NPEPPS: variants seen among roughly 807,000 people sequenced by gnomAD.
The protein encoded by NPEPPS is puromycin-sensitive aminopeptidase.
A neutral mutation model predicts 115.5 loss-of-function variants in NPEPPS; 14 were observed. That is an observed-to-expected ratio of 0.12 (90% CI 0.08 to 0.19). The LOEUF is 0.19. Ranked by LOEUF, NPEPPS falls within the 10% of genes least tolerant of loss-of-function variation. The probability of loss-of-function intolerance (pLI) is 1.00; values close to 1 mark genes in which losing one functional copy is unlikely to be tolerated. For missense variants in NPEPPS, 523 were observed against 1,110.8 expected (o/e 0.47, Z 7.52); for synonymous variants, 285 against 390.6 (o/e 0.73, Z 3.19).
At chr17:47,599,348 A>G (rs117485749) in intron 13 of NPEPPS, among the ~76,000 whole-genome samples, 7,120 of 152,266 alleles carry the variant, frequency 0.047, 224 homozygotes, top group Middle Eastern at 0.16. Context: ...CATTAGCCCA[A>G]TTTTACATTT....
chr17:47,531,220 C>T lies in NPEPPS; in HGVS notation c.-81C>T, dbSNP rs1714752643. The T allele has an allele frequency of 2.7e-6, 4 of 1,475,956 alleles. No individual in the cohort carries two copies. The African/African-American group carries it at 4.3e-5, about 16-fold the overall frequency. The allele number at this position is 1,475,956 out of a possible 1,614,324, so 91.4% of individuals were successfully genotyped here. The stretch of plus-strand genomic sequence containing the variant: ...CGCCCGCACCGCCTCCTTCCCAGCC[C>T]CTAGCGCTCCGGCTGGGTCTCTCCC... On this transcript the variant is annotated 5_prime_UTR_variant, in exon 1 of 23. Transcript: ENST00000322157.
intron 1 of NPEPPS, among the ~76,000 whole-genome samples, chr17:47,544,440 A>G (rs544336940): frequency 6.6e-6 from 1 of 152,266 alleles, no homozygotes; most frequent in Non-Finnish European, 1.5e-5. Context: ...AGGTTAAAAT[A>G]TATAATTATT....
intron 13 of NPEPPS, among the ~76,000 whole-genome samples, chr17:47,598,522 C>T (rs1477997524): frequency 6.6e-6 from 1 of 152,074 alleles, no homozygotes; most frequent in Non-Finnish European, 1.5e-5. Context: ...TTTGTAATCC[C>T]AGCACTTTGG....
chr17:47,597,890 C>T (rs1912973466), intron 13 of NPEPPS, among the ~76,000 whole-genome samples: 1 of 152,142 alleles, frequency 6.6e-6, no homozygotes, highest in Non-Finnish European at 1.5e-5. Flanking sequence ...AAAGTGTGCA[C>T]ACTGGAGGAC....
chr17:47,541,165 G>C (rs1174832292), intron 1 of NPEPPS, among the ~76,000 whole-genome samples: 1 of 152,100 alleles, frequency 6.6e-6, no homozygotes. Flanking sequence ...TGTTGTACAG[G>C]TATCTTGACA....
At chr17:47,583,075 T>TG in intron 5 of NPEPPS, among the ~76,000 whole-genome samples, 1 of 150,808 alleles carries the variant, frequency 6.6e-6, no homozygotes, top group South Asian at 2.1e-4. Context: ...CTCAAACTCC[T>TG]GGGGTCAATC....
chr17:47,572,143 GGT>G (rs1440618813), intron 3 of NPEPPS, among the ~76,000 whole-genome samples: 2 of 152,186 alleles, frequency 1.3e-5, no homozygotes, highest in East Asian at 3.9e-4. Context: ...GGCCAGGCGT[GGT>G]GACTCACACC....
chr17:47,592,323 G>T (rs978757732), intron 11 of NPEPPS, among the ~76,000 whole-genome samples, 162 bp from the exon 12 acceptor site: 1 of 151,976 alleles, frequency 6.6e-6, no homozygotes, highest in Non-Finnish European at 1.5e-5. Context: ...CATAGAGTAC[G>T]CATTATTAAA....
At chr17:47,594,329 C>T (rs1478058356) in intron 12 of NPEPPS, among the ~76,000 whole-genome samples, 2 of 151,724 alleles carry the variant, frequency 1.3e-5, no homozygotes, top group Admixed American at 6.6e-5. Flanking sequence ...ATTTTTCTTT[C>T]TTGAATAATA....
chr17:47,620,809 G>A (rs4793978), intron 22 of NPEPPS, among the ~76,000 whole-genome samples: 69,406 of 152,054 alleles, frequency 0.46, 16,724 homozygotes, highest in South Asian at 0.56. Flanking sequence ...TTTGTTTTCT[G>A]TGAAACCAGG....
intron 1 of NPEPPS, among the ~76,000 whole-genome samples, chr17:47,534,773 TG>T (rs1908073881): frequency 6.6e-6 from 1 of 151,368 alleles, no homozygotes; most frequent in South Asian, 2.1e-4. Context: ...TTTGCCATGT[TG>T]GCCAGGCTGG....
At chr17:47,575,925 T>C (rs8077106) in intron 3 of NPEPPS, among the ~76,000 whole-genome samples, 6 of 151,834 alleles carry the variant, frequency 4.0e-5, no homozygotes, top group African/African-American at 1.5e-4. Context: ...TTGAATTATT[T>C]AATATCTGTT....
At chr17:47,585,863 A>G (rs2611874) in intron 6 of NPEPPS, 163 bp downstream of exon 6, 1 of 655,204 alleles carries the variant, frequency 1.5e-6, no homozygotes, top group Non-Finnish European at 2.6e-6. Flanking sequence ...TTGGTGTTTC[A>G]TTATTTTACA....
At chr17:47,589,255 GGGGA>G in intron 9 of NPEPPS, among the ~76,000 whole-genome samples, 2 of 151,762 alleles carry the variant, frequency 1.3e-5, no homozygotes, top group South Asian at 4.2e-4. Flanking sequence ...CCTTTTCTGG[GGGGA>G]CTGGTTGGGG....
At chr17:47,572,542 G>A (rs1489239189) in intron 3 of NPEPPS, among the ~76,000 whole-genome samples, 1 of 151,822 alleles carries the variant, frequency 6.6e-6, no homozygotes, top group East Asian at 1.9e-4. Context: ...AAAGCATTGC[G>A]TTCATTAAAC....
At chr17:47,573,506 G>A (rs985911299) in intron 3 of NPEPPS, among the ~76,000 whole-genome samples, 5 of 152,182 alleles carry the variant, frequency 3.3e-5, no homozygotes, top group African/African-American at 1.2e-4. Flanking sequence ...TTGGAGTGGG[G>A]GATGGATTAG....
intron 17 of NPEPPS, among the ~76,000 whole-genome samples, chr17:47,609,654 A>G (rs1018189378): frequency 2.0e-5 from 3 of 152,190 alleles, no homozygotes; most frequent in African/African-American, 7.2e-5. Flanking sequence ...TTCGGCAAAC[A>G]CATACCACAT....
intron 17 of NPEPPS, among the ~76,000 whole-genome samples, chr17:47,611,946 T>C (rs1913899496): frequency 6.6e-6 from 1 of 152,210 alleles, no homozygotes. Flanking sequence ...TGGTATCTCA[T>C]TGTGGTTTTG....
chr17:47,596,496 T>C lies in NPEPPS; in HGVS notation c.1536+34T>C, dbSNP rs773798854. 7 of 1,399,592 alleles carry C rather than the reference T, an allele frequency of 5.0e-6. No homozygotes were observed. The Admixed American group carries it at 8.2e-5, about 16-fold the overall frequency. The allele number at this position is 1,399,592 out of a possible 1,614,324, so 86.7% of individuals were successfully genotyped here. On this transcript the variant is annotated intron_variant, in intron 13 of 22. Coordinates refer to ENST00000322157, the MANE Select transcript of NPEPPS (RefSeq NM_006310.4). ...ATAAAGTCTTTCCATTTGTCTGATA[T>C]TGTATTAAATGAAGTTCAGTACAGT...
Sources: allele counts gnomAD v4.1 joint callset (sites outside exome capture counted in the v4.1 genomes callset), GRCh38; gene constraint gnomAD v4.1.1; transcripts MANE v1.5; gene names NCBI Gene and HGNC (gene_info 2026-07-23, HGNC 2026-07-21).